Variants in LSAMP observed in about 807,000 individuals in gnomAD.
LSAMP encodes limbic system associated membrane protein.
A neutral mutation model predicts 38.6 loss-of-function variants in LSAMP; 7 were observed. That is an observed-to-expected ratio of 0.18 (90% confidence interval 0.10 to 0.34). LSAMP has a LOEUF of 0.34. Among genes scored for constraint, LSAMP ranks in the 10% least tolerant of loss-of-function variants. LSAMP has a pLI of 1.00. For synonymous variants in LSAMP, 154 were observed against 166.8 expected, an observed-to-expected ratio of 0.92 and a Z score of 0.59; for missense variants, 313 against 420.0, an observed-to-expected ratio of 0.75 and a Z score of 2.23.
In LSAMP at chr3:115,879,287, C is replaced by G. The variant is rs560443550; in HGVS notation, c.515-26670G>C. Among the ~76,000 whole-genome samples the G allele has an allele frequency of 3.3e-5, 5 of 152,144 alleles. No individual in the cohort carries two copies. The South Asian group carries it at 8.3e-4, about 25-fold the overall frequency. ...ATTTAACAATATTAATGGAAATTGT[C>G]AATTTCAAATTACCCAAGCCATTGG... On this transcript the variant is annotated intron_variant, in intron 3 of 6. Coordinates refer to ENST00000490035, the MANE Select transcript of LSAMP (RefSeq NM_002338.5).
intron 3 of LSAMP, among the ~76,000 whole-genome samples, chr3:115,932,231 C>G (rs927757430): frequency 6.6e-6 from 1 of 152,100 alleles, no homozygotes; most frequent in African/African-American, 2.4e-5. Flanking sequence ...ATTATAGATA[C>G]TGAACTTGTG....
intron 1 of LSAMP, among the ~76,000 whole-genome samples, chr3:116,296,694 CAAAAAAAAAAA>C (rs10659032): frequency 5.0e-5 from 3 of 59,728 alleles, no homozygotes; most frequent in South Asian, 1.0e-3. Context: ...GACTCTGTCT[CAAAAAAAAAAA>C]AAAAAAAAAA....
chr3:115,907,779 TCA>T (rs907867731), intron 3 of LSAMP, among the ~76,000 whole-genome samples: 81 of 152,290 alleles, frequency 5.3e-4, no homozygotes, highest in African/African-American at 1.9e-3. Context: ...CAAAGTAAAA[TCA>T]CAGATTTTTG....
chr3:116,371,222 T>A (rs955993172), intron 1 of LSAMP, among the ~76,000 whole-genome samples: 1 of 152,016 alleles, frequency 6.6e-6, no homozygotes, highest in African/African-American at 2.4e-5. Flanking sequence ...TACCCTGATA[T>A]CAAAGCAGAA....
At chr3:116,246,974 C>T (rs2046613263) in intron 1 of LSAMP, among the ~76,000 whole-genome samples, 1 of 152,086 alleles carries the variant, frequency 6.6e-6, no homozygotes, top group Non-Finnish European at 1.5e-5. Context: ...TTTTCCATCC[C>T]CGATTTTTTT....
intron 2 of LSAMP, among the ~76,000 whole-genome samples, chr3:116,058,126 T>C (rs1941525535): frequency 6.6e-6 from 1 of 152,058 alleles, no homozygotes; most frequent in Non-Finnish European, 1.5e-5. Flanking sequence ...AAGAAAGGAG[T>C]GAAGGCAGCT....
intron 4 of LSAMP, among the ~76,000 whole-genome samples, chr3:115,852,100 C>A (rs1003421133): frequency 2.6e-5 from 4 of 152,182 alleles, no homozygotes; most frequent in African/African-American, 9.7e-5. Context: ...TCCCTCCTGA[C>A]AAACAATGCA....
At chr3:116,228,639 G>C (rs1482141394) in intron 1 of LSAMP, among the ~76,000 whole-genome samples, 1 of 152,104 alleles carries the variant, frequency 6.6e-6, no homozygotes, top group Non-Finnish European at 1.5e-5. Flanking sequence ...TTGCTGTGTT[G>C]TTATTGTGGT....
At chr3:115,850,359 C>T (rs1469447153) in intron 4 of LSAMP, among the ~76,000 whole-genome samples, 2 of 152,044 alleles carry the variant, frequency 1.3e-5, no homozygotes, top group Non-Finnish European at 2.9e-5. Flanking sequence ...ATTGGACTTT[C>T]AGAAATCTAA....
intron 1 of LSAMP, among the ~76,000 whole-genome samples, chr3:116,165,000 C>T (rs1280461141): frequency 6.6e-6 from 1 of 151,660 alleles, no homozygotes; most frequent in African/African-American, 2.4e-5. Context: ...TTTTTAAAGC[C>T]CCTCACAGGT....
intron 2 of LSAMP, among the ~76,000 whole-genome samples, chr3:116,054,881 T>C (rs1284379506): frequency 1.3e-5 from 2 of 152,048 alleles, no homozygotes; most frequent in Admixed American, 1.3e-4. Context: ...ATTTCTAGGG[T>C]TTGGTGTTTT....
intron 1 of LSAMP, among the ~76,000 whole-genome samples, chr3:116,408,775 A>G (rs1447490579): frequency 1.3e-5 from 2 of 152,114 alleles, no homozygotes; most frequent in African/African-American, 2.4e-5. Flanking sequence ...ACATAAAAAC[A>G]TAAGAACTGG....
intron 1 of LSAMP, among the ~76,000 whole-genome samples, chr3:116,391,578 AGCAGGGCGC>A (rs1189309344): frequency 6.7e-6 from 1 of 149,014 alleles, no homozygotes; most frequent in African/African-American, 2.4e-5. Context: ...CTGGGCAGGA[AGCAGGGCGC>A]GGGGGTGGCA....
intron 1 of LSAMP, among the ~76,000 whole-genome samples, chr3:116,203,150 G>C (rs1350423340): frequency 3.3e-5 from 5 of 152,096 alleles, no homozygotes; most frequent in African/African-American, 1.2e-4. Context: ...CACTGGCTAT[G>C]AAGCTTTCAG....
intron 1 of LSAMP, among the ~76,000 whole-genome samples, chr3:116,407,381 T>TA (rs747741791): frequency 5.3e-5 from 8 of 152,090 alleles, no homozygotes; most frequent in Non-Finnish European, 1.0e-4. Context: ...AAATGACCTT[T>TA]AGTTGATTCT....
chr3:116,393,195 AGAGAAG>A (rs1474287100), intron 1 of LSAMP, among the ~76,000 whole-genome samples: 2 of 152,178 alleles, frequency 1.3e-5, no homozygotes, highest in Admixed American at 6.5e-5. Context: ...CTGTGGGCAA[AGAGAAG>A]GAGAGAAGAG....
At chr3:116,179,889 A>G (rs1710443587) in intron 1 of LSAMP, among the ~76,000 whole-genome samples, 1 of 152,218 alleles carries the variant, frequency 6.6e-6, no homozygotes, top group Admixed American at 6.5e-5. Flanking sequence ...GCTAGAAAGA[A>G]ATACTTTTGA....
chr3:116,038,322 C>T (rs903223485), intron 2 of LSAMP, among the ~76,000 whole-genome samples: 8 of 152,062 alleles, frequency 5.3e-5, no homozygotes, highest in Admixed American at 1.3e-4. Context: ...TCTCTGAAGA[C>T]GCCAGTGCCA....
At chr3:115,844,079 C>A (rs1330093406) in intron 4 of LSAMP, among the ~76,000 whole-genome samples, 1 of 152,122 alleles carries the variant, frequency 6.6e-6, no homozygotes, top group African/African-American at 2.4e-5. Flanking sequence ...CGTTTTCTTT[C>A]TGGGCCTTGG....
Sources: gnomAD v4.1 joint callset for allele counts (sites outside exome capture counted in the v4.1 genomes callset) on GRCh38, gnomAD v4.1.1 for gene constraint, MANE v1.5 for transcripts, NCBI Gene and HGNC (gene_info 2026-07-23, HGNC 2026-07-21) for gene names.